The following SCG5 variants were observed in gnomAD, a reference collection of about 807,000 sequenced individuals.
SCG5 encodes secretogranin V.
A neutral mutation model predicts 25.7 loss-of-function variants in SCG5; 18 were observed. The observed-to-expected ratio is 0.70, with a 90% CI of 0.48 to 1.04. The LOEUF (loss-of-function observed/expected upper bound fraction) is 1.04. SCG5 is among the 50% of genes least tolerant of loss of function. The pLI is 0.00. For missense variants in SCG5, 206 were observed against 259.8 expected, an observed-to-expected ratio of 0.79 and a Z score of 1.42; for synonymous variants, 101 against 91.7, an observed-to-expected ratio of 1.10 and a Z score of -0.58.
chr15:32,678,184 C>T (rs1257305742), intron 2 of SCG5, among the ~76,000 whole-genome samples: 1 of 152,100 alleles, frequency 6.6e-6, no homozygotes, highest in Admixed American at 6.5e-5. Context: ...GAAGAAATCA[C>T]AAGGGGAATA....
chr15:32,663,084 A>AATATG, intron 2 of SCG5, among the ~76,000 whole-genome samples: 1 of 133,748 alleles, frequency 7.5e-6, no homozygotes, highest in Non-Finnish European at 1.6e-5. Flanking sequence ...TATATAATAT[A>AATATG]TAATATGTTA....
At chr15:32,678,688 G>A (rs2054567741) in intron 2 of SCG5, among the ~76,000 whole-genome samples, 1 of 152,054 alleles carries the variant, frequency 6.6e-6, no homozygotes, top group African/African-American at 2.4e-5. Context: ...TTTGACTTCT[G>A]GGAATCTATC....
intron 4 of SCG5, among the ~76,000 whole-genome samples, chr15:32,685,893 T>C (rs1407914222): frequency 6.6e-6 from 1 of 152,240 alleles, no homozygotes; most frequent in African/African-American, 2.4e-5. Flanking sequence ...TAGCTCATTA[T>C]TGGCAGATGG....
At chr15:32,690,398 G>A (rs756570558) in intron 4 of SCG5, among the ~76,000 whole-genome samples, 56 of 152,272 alleles carry the variant, frequency 3.7e-4, no homozygotes, top group Non-Finnish European at 6.5e-4. Context: ...GAGTTTTTAC[G>A]TTCACAGAAA....
chr15:32,689,188 C>CTATT (rs921672584), intron 4 of SCG5, among the ~76,000 whole-genome samples: 14 of 152,058 alleles, frequency 9.2e-5, no homozygotes, highest in African/African-American at 2.7e-4. Flanking sequence ...CCCTGCTGTT[C>CTATT]TATTTATTTA....
intron 2 of SCG5, among the ~76,000 whole-genome samples, chr15:32,657,901 C>CA: frequency 6.6e-6 from 1 of 152,060 alleles, no homozygotes; most frequent in East Asian, 1.9e-4. Flanking sequence ...TTAACCTTTC[C>CA]AGTGAAGGTT....
intron 2 of SCG5, among the ~76,000 whole-genome samples, chr15:32,673,463 G>A (rs1234028413): frequency 1.3e-5 from 2 of 151,686 alleles, no homozygotes; most frequent in East Asian, 3.9e-4. Context: ...GAGCTTGTGA[G>A]GAATGCAGAA....
At chr15:32,679,668 A>G (rs1341119370) in intron 2 of SCG5, 98 bp from the exon 3 acceptor site, 13 of 1,318,106 alleles carry the variant, frequency 9.9e-6, no homozygotes, top group Non-Finnish European at 1.4e-5. Flanking sequence ...TCCCCACAGC[A>G]GAAGGCACAG....
At chr15:32,677,329 T>G (rs2054548127) in intron 2 of SCG5, among the ~76,000 whole-genome samples, 1 of 152,168 alleles carries the variant, frequency 6.6e-6, no homozygotes, top group Admixed American at 6.5e-5. Context: ...TAAACTTTAA[T>G]CAACACAGCA....
At chr15:32,646,804 T>C (rs1377445004) in intron 2 of SCG5, among the ~76,000 whole-genome samples, 2 of 152,242 alleles carry the variant, frequency 1.3e-5, no homozygotes, top group African/African-American at 2.4e-5. Context: ...ATCCATTTAT[T>C]TGCATTATCT....
Position 32,643,830 on chromosome 15 carries a change from G to A in SCG5, c.226+12G>A. 1.2e-6 allele frequency: 2 copies of A among 1,606,180 alleles called. No homozygotes were observed. The highest frequency in any genetic ancestry group is 8.5e-7 in the Non-Finnish European group (1 of 1,173,904). ...CCAGAGCATTGAAGGTATTTACTGT[G>A]TTCTGATGGTTTGAAGTTTCCGTTA... is the stretch of plus-strand genomic sequence containing the variant. On this transcript the variant is annotated intron_variant, in intron 2 of 5. Transcript: ENST00000300175.
At chr15:32,673,169 C>T (rs1426230841) in intron 2 of SCG5, 1 of 152,114 alleles carries the variant, frequency 6.6e-6, no homozygotes, top group Non-Finnish European at 1.5e-5. Flanking sequence ...CAGCAGGATC[C>T]TTTCCTTGCA....
chr15:32,646,027 C>T (rs1345067565), intron 2 of SCG5, among the ~76,000 whole-genome samples: 4 of 151,986 alleles, frequency 2.6e-5, no homozygotes, highest in African/African-American at 9.7e-5. Flanking sequence ...ACCGTGTTAG[C>T]CAGGATGGTC....
intron 2 of SCG5, among the ~76,000 whole-genome samples, chr15:32,675,160 G>A (rs1203363954): frequency 1.3e-5 from 2 of 152,208 alleles, no homozygotes; most frequent in Non-Finnish European, 2.9e-5. Flanking sequence ...CATTTTTAGA[G>A]TGCCATGGCT....
At chr15:32,654,847 A>C (rs1400235664) in intron 2 of SCG5, among the ~76,000 whole-genome samples, 1 of 152,162 alleles carries the variant, frequency 6.6e-6, no homozygotes, top group Non-Finnish European at 1.5e-5. Context: ...ATAGCCATTG[A>C]CCTCTGAGAC....
Position 32,643,802 on chromosome 15 carries a change from C to T in SCG5, c.210C>T (p.Gly70=), listed in dbSNP as rs1567067298. ...CTCACCAGGCCATGAATCTTGTGGGCCCCCAGAGCATTGAAGGTATTTACT... is the reference window on the plus strand; with the variant it reads ...CTCACCAGGCCATGAATCTTGTGGGTCCCCAGAGCATTGAAGGTATTTACT... ...YPAHQAMNLV[G]PQSIEGGAHE... The change falls in exon 2 of 6, where the codon GGC becomes GGT. Residue 70 remains glycine (G), a synonymous_variant. Transcript: ENST00000300175. The T allele has an allele frequency of 1.9e-6, 3 of 1,613,266 alleles. No individual in the cohort carries two copies. The highest frequency in any genetic ancestry group is 1.7e-6 in the Non-Finnish European group (2 of 1,179,650).
At chr15:32,657,884 T>C (rs898364103) in intron 2 of SCG5, among the ~76,000 whole-genome samples, 3 of 152,200 alleles carry the variant, frequency 2.0e-5, no homozygotes, top group Non-Finnish European at 4.4e-5. Flanking sequence ...TCAGGCACTA[T>C]CTTCTTTTAA....
chr15:32,664,454 TA>T (rs1157658090), intron 2 of SCG5, among the ~76,000 whole-genome samples: 1 of 151,270 alleles, frequency 6.6e-6, no homozygotes, highest in Non-Finnish European at 1.5e-5. Flanking sequence ...GACTAGGAGT[TA>T]AAATAATGAC....
At position 32,657,108 on chromosome 15, in the gene SCG5, A is replaced by G. The variant is rs551523077; in HGVS notation, c.226+13290A>G. On this transcript the variant is annotated intron_variant, in intron 2 of 5. Transcript: ENST00000300175. ...GTTTGACAGGGCAGTCAAATTAAAT[A>G]ATATATATAAACGTATTTTGGAAAG... Among the ~76,000 whole-genome samples, 3 of 147,238 alleles carry G rather than the reference A, an allele frequency of 2.0e-5. No homozygotes were observed. In the East Asian group the frequency reaches 6.1e-4, roughly 30 times the overall value.
Sources: gnomAD v4.1 joint callset for allele counts (sites outside exome capture counted in the v4.1 genomes callset) on GRCh38, gnomAD v4.1.1 for gene constraint, MANE v1.5 for transcripts, NCBI Gene and HGNC (gene_info 2026-07-23, HGNC 2026-07-21) for gene names.